SHTN1: variants seen among roughly 807,000 people sequenced by gnomAD.
SHTN1 encodes the protein shootin-1.
A neutral mutation model predicts 83.1 loss-of-function variants in SHTN1; 42 were observed. The ratio of observed to expected loss-of-function variants is 0.51; its 90% CI spans 0.39 to 0.65. The LOEUF (loss-of-function observed/expected upper bound fraction) is 0.65. Ranked by LOEUF, SHTN1 falls within the 30% of genes least tolerant of loss-of-function variation. SHTN1 has a pLI of 0.00. For missense variants in SHTN1, 622 were observed against 737.8 expected, an observed-to-expected ratio of 0.84 and a Z score of 1.82; for synonymous variants, 224 against 247.7, an observed-to-expected ratio of 0.90 and a Z score of 0.90.
At chr10:116,992,706 A>C (rs1851483310) in intron 1 of SHTN1, among the ~76,000 whole-genome samples, 1 of 152,136 alleles carries the variant, frequency 6.6e-6, no homozygotes, top group African/African-American at 2.4e-5. Context: ...GGGACAAAAA[A>C]GAGAGGAAAG....
chr10:116,947,549 T>C (rs1849637538), intron 7 of SHTN1, among the ~76,000 whole-genome samples: 1 of 152,202 alleles, frequency 6.6e-6, no homozygotes, highest in Admixed American at 6.5e-5. Flanking sequence ...GAGAGCTAAA[T>C]GATTTTCAAG....
Position 116,911,789 on chromosome 10 carries a change from C to A in SHTN1, c.1359+1G>T. ...AACAATAAACTGAAATCTATTCTTACCAGTATTCCTTTTAGTTCATCCACT... is the reference window on the plus strand; with the variant it reads ...AACAATAAACTGAAATCTATTCTTAACAGTATTCCTTTTAGTTCATCCACT... On this transcript the variant is annotated splice_donor_variant, in intron 14 of 16. Transcript: ENST00000355371. LOFTEE classifies it high-confidence loss of function. The A allele has an allele frequency of 6.2e-7, 1 of 1,609,118 alleles. No individual in the cohort carries two copies. The highest frequency in any genetic ancestry group is 8.5e-7 in the Non-Finnish European group (1 of 1,175,572).
At chr10:117,089,200 G>C (rs1749837584) in intron 1 of SHTN1, among the ~76,000 whole-genome samples, 1 of 152,190 alleles carries the variant, frequency 6.6e-6, no homozygotes. Context: ...GGAATTTTGA[G>C]GGTGACAGAA....
At position 116,901,858 on chromosome 10, in the gene SHTN1, T is replaced by C. The variant is rs763035635; in HGVS notation, c.1580A>G (p.Glu527Gly). 1.9e-6 allele frequency: 3 copies of C among 1,606,994 alleles called. No homozygotes were observed. The highest frequency in any genetic ancestry group is 2.5e-6 in the Non-Finnish European group (3 of 1,178,144). ...TKTALNKKTL[E>G]AEFNSPSPPT... ...GGGGGACGGGCTGTTGAATTCTGCCTCCAGAGTTTTCTTGTTCAAGGCTGT... is the reference window on the plus strand; with the variant it reads ...GGGGGACGGGCTGTTGAATTCTGCCCCCAGAGTTTTCTTGTTCAAGGCTGT... Residue 527 changes from glutamate (E) to glycine (G), a missense_variant, in exon 16 of 17, where the codon GAG (glutamate) becomes GGG (glycine). Physicochemically the swap from Glu to Gly is moderately conservative, Grantham distance 98. This residue lies in a region of SHTN1 where 231 missense variants were observed against 251.6 expected (regional missense o/e 0.92). Transcript: ENST00000355371.
At chr10:117,027,745 G>A (rs775725200) in intron 2 of SHTN1, among the ~76,000 whole-genome samples, 16 of 152,206 alleles carry the variant, frequency 1.1e-4, no homozygotes, top group Admixed American at 2.0e-4. Flanking sequence ...TGATCCGCCT[G>A]TCTCAGCCTT....
At chr10:116,931,271 T>C (rs1469479168) in intron 9 of SHTN1, among the ~76,000 whole-genome samples, 1 of 152,168 alleles carries the variant, frequency 6.6e-6, no homozygotes, top group Non-Finnish European at 1.5e-5. Flanking sequence ...TGTTCTGAGA[T>C]AGAGTCTCAC....
chr10:116,993,610 T>TA (rs1370196629), intron 1 of SHTN1, among the ~76,000 whole-genome samples: 2 of 152,168 alleles, frequency 1.3e-5, no homozygotes, highest in Non-Finnish European at 2.9e-5. Context: ...CTGCCTAACA[T>TA]ACACGTGCTG....
chr10:117,004,583 T>A (rs1453208884), intron 1 of SHTN1, among the ~76,000 whole-genome samples: 1 of 151,340 alleles, frequency 6.6e-6, no homozygotes, highest in Non-Finnish European at 1.5e-5. Context: ...CTGGGAAGGG[T>A]GTGAAACAGC....
In SHTN1 at chr10:116,928,100, T is replaced by G. The variant is rs1353519867; in HGVS notation, c.1013-209A>C. On this transcript the variant is annotated intron_variant, in intron 10 of 16. Transcript: ENST00000355371. ...AAGAGAGGACTCCTATCCATCAATA[T>G]TAAATGTTATCTTTTTGCTGTATAT... Among the ~76,000 whole-genome samples, 7 of 152,320 alleles carry G rather than the reference T, an allele frequency of 4.6e-5. No individual in the cohort carries two copies. In the South Asian group the frequency reaches 6.2e-4, roughly 14 times the overall value.
intron 1 of SHTN1, among the ~76,000 whole-genome samples, chr10:117,082,290 T>C (rs1254737458): frequency 3.7e-5 from 5 of 134,854 alleles, no homozygotes; most frequent in African/African-American, 1.4e-4. Context: ...CATTTCGTTA[T>C]GTACCCAGTA....
At chr10:116,963,754 G>A (rs1026516163) in intron 3 of SHTN1, among the ~76,000 whole-genome samples, 9 of 152,040 alleles carry the variant, frequency 5.9e-5, no homozygotes, top group African/African-American at 2.2e-4. Context: ...GGAACATGGG[G>A]ATTCGTTAAA....
intron 9 of SHTN1, among the ~76,000 whole-genome samples, chr10:116,938,294 T>C (rs561960301): frequency 1.3e-5 from 2 of 152,296 alleles, no homozygotes; most frequent in South Asian, 2.1e-4. Context: ...TTCCTCATCT[T>C]TGTGGATTTA....
At chr10:117,061,135 CT>C (rs5788206) in intron 1 of SHTN1, among the ~76,000 whole-genome samples, 75,722 of 127,054 alleles carry the variant, frequency 0.6, 23,135 homozygotes, top group Middle Eastern at 0.77. Flanking sequence ...AAGCTTTAGT[CT>C]TTTTTTTTTT....
intron 1 of SHTN1, among the ~76,000 whole-genome samples, chr10:117,083,019 C>A (rs887496516): frequency 5.3e-5 from 8 of 149,782 alleles, no homozygotes; most frequent in East Asian, 2.0e-4. Context: ...TTAATTGGAG[C>A]ATTTAGTCCA....
intron 1 of SHTN1, among the ~76,000 whole-genome samples, chr10:116,999,551 T>C (rs1269613441): frequency 1.3e-5 from 2 of 152,216 alleles, no homozygotes; most frequent in East Asian, 1.9e-4. Context: ...TCAGATAGAA[T>C]AGTTAATTGT....
chr10:117,007,610 A>G (rs1391285434), upstream of SHTN1, among the ~76,000 whole-genome samples: 1 of 146,794 alleles, frequency 6.8e-6, no homozygotes, highest in Non-Finnish European at 1.5e-5. Context: ...CATTCACTTG[A>G]GGACATGGTA....
chr10:116,944,991 T>G lies in SHTN1; in HGVS notation c.644A>C (p.Glu215Ala), dbSNP rs1469594078. 4 of 1,608,588 alleles carry G rather than the reference T, an allele frequency of 2.5e-6. No homozygotes were observed. In the South Asian group the frequency reaches 4.4e-5, roughly 18 times the overall value. The change falls in exon 8 of 17, where the codon GAG becomes GCG. Residue 215 changes from glutamate to alanine, a missense_variant. By Grantham distance (107) the Glu-to-Ala change is moderately radical. This residue lies in a region of SHTN1 where 383 missense variants were observed against 455.8 expected (regional missense o/e 0.84). Coordinates refer to ENST00000355371, the MANE Select transcript of SHTN1 (RefSeq NM_001127211.3). ...RVSMLAVEEYEEMQVNLELEK... is the reference protein window; with the variant it reads ...RVSMLAVEEYAEMQVNLELEK... ...CAGCTCCAGGTTTACTTGCATCTCC[T>G]CATACTCTTCTACAGCTAACATGGA...
At chr10:116,904,860 A>C (rs1847898543) in intron 15 of SHTN1, among the ~76,000 whole-genome samples, 1 of 152,234 alleles carries the variant, frequency 6.6e-6, no homozygotes, top group African/African-American at 2.4e-5. Flanking sequence ...CAAAACACAA[A>C]ATGTGAACGA....
At chr10:117,000,071 A>T (rs1225518957) in intron 1 of SHTN1, among the ~76,000 whole-genome samples, 1 of 152,202 alleles carries the variant, frequency 6.6e-6, no homozygotes, top group Non-Finnish European at 1.5e-5. Flanking sequence ...AGGAAAATGC[A>T]TTGTTGATAA....
Sources: allele counts gnomAD v4.1 joint callset (sites outside exome capture counted in the v4.1 genomes callset), GRCh38; gene constraint gnomAD v4.1.1; regional missense constraint gnomAD v4.1.1; transcripts MANE v1.5; gene names NCBI Gene and HGNC (gene_info 2026-07-23, HGNC 2026-07-21).